TBC1D2B: variants seen among roughly 807,000 people sequenced by gnomAD.
TBC1D2B encodes the protein TBC1 domain family member 2B, also known as TBC1 domain family, member 2B.
In TBC1D2B, 64 loss-of-function variants were observed where a neutral mutation model predicts 100.8. That is an observed-to-expected ratio of 0.64 (90% CI 0.52 to 0.78). TBC1D2B has a LOEUF of 0.78. Ranked by LOEUF, TBC1D2B falls within the 30% of genes least tolerant of loss-of-function variation. TBC1D2B has a pLI of 0.00. For missense variants in TBC1D2B, 1,052 were observed against 1,218.4 expected (o/e 0.86, Z 2.03); for synonymous variants, 480 against 479.7 (o/e 1.00, Z -0.01).
intron 1 of TBC1D2B, among the ~76,000 whole-genome samples, chr15:78,057,643 C>T (rs1203485454): frequency 6.7e-6 from 1 of 150,186 alleles, no homozygotes; most frequent in Non-Finnish European, 1.5e-5. Context: ...GACTCTGTCT[C>T]AAAGAAAAAA....
At chr15:78,013,660 A>G (rs757789833) in intron 8 of TBC1D2B, among the ~76,000 whole-genome samples, 16 of 152,198 alleles carry the variant, frequency 1.1e-4, no homozygotes, top group Non-Finnish European at 2.2e-4. Context: ...ATATATGTGT[A>G]TGTTTCTTTA....
At position 78,022,850 on chromosome 15, in the gene TBC1D2B, A is replaced by G. The variant is rs1313100211; in HGVS notation, c.1470+1306T>C. Among the ~76,000 whole-genome samples, 3 of 152,186 alleles carry G rather than the reference A, an allele frequency of 2.0e-5. No homozygotes were observed. In the East Asian group the frequency reaches 5.8e-4, roughly 29 times the overall value. On this transcript the variant is annotated intron_variant, in intron 6 of 12. Coordinates refer to ENST00000300584, the MANE Select transcript of TBC1D2B (RefSeq NM_144572.2). ...AGGCGTGAGCCACTATGCACAGCCAACTTTTTTTTTTTTAAATAGTAGATA... is the reference window on the plus strand; with the variant it reads ...AGGCGTGAGCCACTATGCACAGCCAGCTTTTTTTTTTTTAAATAGTAGATA...
intron 6 of TBC1D2B, among the ~76,000 whole-genome samples, chr15:78,022,011 C>T (rs551640881): frequency 4.0e-4 from 61 of 152,312 alleles, no homozygotes; most frequent in Admixed American, 1.6e-3. Flanking sequence ...CCTGGAAACC[C>T]ACCACTATAG....
At chr15:78,029,213 C>G (rs182525504) in intron 4 of TBC1D2B, among the ~76,000 whole-genome samples, 23 of 152,158 alleles carry the variant, frequency 1.5e-4, no homozygotes, top group African/African-American at 5.3e-4. Context: ...CCCCCCACCA[C>G]GCCCAGCTAA....
intron 7 of TBC1D2B, among the ~76,000 whole-genome samples, chr15:78,017,603 TCTTA>T (rs917523223): frequency 8.5e-5 from 13 of 152,188 alleles, no homozygotes; most frequent in African/African-American, 2.9e-4. Context: ...AGCTTCTCAT[TCTTA>T]CTTATCCAGT....
chr15:78,016,484 C>A, intron 8 of TBC1D2B, 62 bp downstream of exon 8: 1 of 1,499,832 alleles, frequency 6.7e-7, no homozygotes, highest in Non-Finnish European at 9.1e-7. Context: ...ATGGTTCCTG[C>A]TGTTGAAAAA....
chr15:78,028,865 G>A (rs1227800846), intron 4 of TBC1D2B, among the ~76,000 whole-genome samples: 2 of 151,998 alleles, frequency 1.3e-5, no homozygotes, highest in Non-Finnish European at 2.9e-5. Context: ...GGAGGGGGAA[G>A]GGAAAAAAAG....
At chr15:78,038,795 C>T (rs1229918187) in intron 3 of TBC1D2B, among the ~76,000 whole-genome samples, 1 of 152,114 alleles carries the variant, frequency 6.6e-6, no homozygotes, top group Non-Finnish European at 1.5e-5. Context: ...GAAAGGTCTC[C>T]GAGTCTACAG....
intron 1 of TBC1D2B, 97 bp downstream of exon 1, chr15:78,077,196 A>C (rs1567039007): frequency 5.8e-6 from 8 of 1,368,724 alleles, no homozygotes; most frequent in Non-Finnish European, 7.5e-6. Context: ...AGGGGCGAGG[A>C]GGCCTTGGAG....
intron 1 of TBC1D2B, among the ~76,000 whole-genome samples, chr15:78,073,320 C>T (rs1240863926): frequency 2.0e-5 from 3 of 152,206 alleles, no homozygotes; most frequent in Admixed American, 2.0e-4. Flanking sequence ...AAAACCACAG[C>T]TTCTCCAGAG....
intron 1 of TBC1D2B, among the ~76,000 whole-genome samples, chr15:78,072,588 A>G (rs1299614954): frequency 6.6e-6 from 1 of 152,244 alleles, no homozygotes; most frequent in African/African-American, 2.4e-5. Flanking sequence ...GTGGTTAAGA[A>G]TAGGGGTACA....
rs1431323650 is a variant in TBC1D2B, at chr15:77,996,689, T to C, written c.*1471A>G. 3 of 152,238 alleles carry C rather than the reference T, an allele frequency of 2.0e-5. No individual in the cohort carries two copies. The highest frequency in any genetic ancestry group is 6.5e-5 in the Admixed American group (1 of 15,290). The allele number at this position is 152,238 out of a possible 1,614,324, so 9.4% of individuals were successfully genotyped here. A position where few individuals can be genotyped will look rare whatever the true frequency, so the allele number is the denominator to read the frequency against. On this transcript the variant is annotated 3_prime_UTR_variant, in exon 13 of 13. Coordinates refer to ENST00000300584, the MANE Select transcript of TBC1D2B (RefSeq NM_144572.2). ...CTGAAACACCAACTTTGCCGTGGCA[T>C]TGCCAAAAAGTTGACAGCAAAAAAT...
intron 11 of TBC1D2B, 40 bp downstream of exon 11, chr15:78,003,265 A>C: frequency 6.3e-7 from 1 of 1,583,284 alleles, no homozygotes; most frequent in Non-Finnish European, 8.7e-7. Context: ...ACGGTTGTCA[A>C]GTGTGTATAT....
At chr15:78,013,429 A>G in intron 8 of TBC1D2B, 112 bp from the exon 9 acceptor site, 1 of 1,009,016 alleles carries the variant, frequency 9.9e-7, no homozygotes, top group South Asian at 1.7e-5. Flanking sequence ...GGTACTTTGA[A>G]CTATGAGAAG....
chr15:77,998,178 G>A lies in TBC1D2B; in HGVS notation c.2874C>T (p.Asp958=), dbSNP rs753524338. 1.6e-5 allele frequency: 25 copies of A among 1,544,004 alleles called. No homozygotes were observed. Among genetic ancestry groups the A allele is most frequent in the East Asian group, 2.5e-5 (1 of 40,552 alleles). The change falls in exon 13 of 13, where the codon GAC becomes GAT. Residue 958 remains aspartate (D), a synonymous_variant. Transcript: ENST00000300584. The part of the protein sequence containing the change: ...TSPDKGELVS[D]EEEDT ...AGCCCACTCAGGTATCCTCCTCCTCGTCACTGACCAGCTCACCCTTGTCAG... is the reference window on the plus strand; with the variant it reads ...AGCCCACTCAGGTATCCTCCTCCTCATCACTGACCAGCTCACCCTTGTCAG...
At chr15:77,999,892 G>A (rs1301214578) in intron 12 of TBC1D2B, among the ~76,000 whole-genome samples, 3 of 152,176 alleles carry the variant, frequency 2.0e-5, no homozygotes, top group African/African-American at 7.2e-5. Flanking sequence ...GATGCTCAGC[G>A]CCTTAAAAGG....
At chr15:78,008,490 G>A (rs376916373) in intron 10 of TBC1D2B, among the ~76,000 whole-genome samples, 5 of 152,328 alleles carry the variant, frequency 3.3e-5, no homozygotes, top group African/African-American at 9.6e-5. Context: ...GACTTCCTCA[G>A]GACTGCATGG....
chr15:78,054,039 T>C lies in TBC1D2B; in HGVS notation c.509A>G (p.Asn170Ser), dbSNP rs145669267. 2.4e-4 allele frequency: 392 copies of C among 1,612,398 alleles called. No homozygotes were observed. Among genetic ancestry groups the C allele is most frequent in the Non-Finnish European group, 3.1e-4 (361 of 1,179,360 alleles). ...CCCCTTTATTTCTGCCTTACCAGTG[T>C]TATCTCTGGCTACAAGACCCTTAGG... ...DFPKGLVARD[N>S]TDLIYPHPNA... The change falls in exon 2 of 13, where the codon AAC becomes AGC. Residue 170 changes from asparagine (N) to serine (S), a missense_variant. Around this residue, in one of 4 missense-constraint regions of TBC1D2B, gnomAD observed 627 missense variants for 646.1 expected, o/e 0.97. Transcript: ENST00000300584.
chr15:77,996,906 G>C lies in TBC1D2B; in HGVS notation c.*1254C>G, dbSNP rs191815663. 110 of 152,298 alleles carry C rather than the reference G, an allele frequency of 7.2e-4. No individual in the cohort carries two copies. Among genetic ancestry groups the C allele is most frequent in the African/African-American group, 2.6e-3 (106 of 41,558 alleles). The allele number at this position is 152,298 out of a possible 1,614,324, so 9.4% of individuals were successfully genotyped here. A position where few individuals can be genotyped will look rare whatever the true frequency, so the allele number is the denominator to read the frequency against. On this transcript the variant is annotated 3_prime_UTR_variant, in exon 13 of 13. Transcript: ENST00000300584. The stretch of plus-strand genomic sequence containing the variant: ...ATCAGGGATGGTCTAGAGCGATTAA[G>C]CAAAAACAAGCTCCTTGCTCAAAGC...
Sources: gnomAD v4.1 joint callset for allele counts (sites outside exome capture counted in the v4.1 genomes callset) on GRCh38, gnomAD v4.1.1 for gene constraint, gnomAD v4.1.1 regional missense constraint, MANE v1.5 for transcripts, NCBI Gene and HGNC (gene_info 2026-07-23, HGNC 2026-07-21) for gene names.